The following SLC35F4 variants were observed in gnomAD, a reference collection of about 807,000 sequenced individuals.
SLC35F4 encodes chromosome 14 open reading frame 36.
Under a neutral mutation model 44.2 loss-of-function variants are expected in SLC35F4, and 24 were observed. The observed-to-expected ratio is 0.54, with a 90% CI of 0.39 to 0.76. SLC35F4 has a LOEUF of 0.76. SLC35F4 is among the 30% of genes least tolerant of loss of function. The pLI is 0.00. For synonymous variants in SLC35F4, 238 were observed against 223.6 expected, an observed-to-expected ratio of 1.06 and a Z score of -0.57; for missense variants, 562 against 586.1, an observed-to-expected ratio of 0.96 and a Z score of 0.42.
rs1888109516 is a variant in SLC35F4 at position 57,865,732 on chromosome 14, T to C, written c.94A>G (p.Ser32Gly). ...CCGCGCGGCGTCTTACTTTTCTGGC[T>C]GGAGTAACCTGGATAATAGCCATAG... ...GYYGYYPGYS[S>G]QKSTSRSSVT... The change falls in exon 1 of 8, where the codon AGC becomes GGC. Residue 32 changes from serine (S) to glycine (G), a missense_variant. Ser to Gly is a moderately conservative substitution (Grantham distance 56). Transcript: ENST00000556826. 12 of 1,520,408 alleles carry C rather than the reference T, an allele frequency of 7.9e-6. No individual in the cohort carries two copies. The highest frequency in any genetic ancestry group is 1.1e-5 in the Non-Finnish European group (12 of 1,140,366). 94.2% of individuals were successfully genotyped at this position (1,520,408 alleles called of 1,614,324 possible).
chr14:57,708,302 C>T (rs910892991), intron 1 of SLC35F4, among the ~76,000 whole-genome samples: 1 of 152,152 alleles, frequency 6.6e-6, no homozygotes, highest in African/African-American at 2.4e-5. Flanking sequence ...ATCAGCACTC[C>T]CTACTTCCCA....
chr14:57,813,027 G>A (rs184519115), intron 1 of SLC35F4, among the ~76,000 whole-genome samples: 49 of 152,298 alleles, frequency 3.2e-4, no homozygotes, highest in Non-Finnish European at 5.1e-4. Context: ...CAGAGCAATA[G>A]TATGATATGG....
At chr14:57,691,589 T>C (rs975954902) in intron 1 of SLC35F4, among the ~76,000 whole-genome samples, 3 of 152,244 alleles carry the variant, frequency 2.0e-5, no homozygotes, top group Non-Finnish European at 1.5e-5. Flanking sequence ...TCTGACCTTT[T>C]ATGTTTAATT....
At chr14:57,942,207 G>T (rs1308993915) in intron 1 of SLC35F4, among the ~76,000 whole-genome samples, 1 of 152,186 alleles carries the variant, frequency 6.6e-6, no homozygotes, top group Middle Eastern at 3.2e-3. Flanking sequence ...GAATGTTCCA[G>T]CTTAATGTTG....
At chr14:57,843,025 G>A (rs956273589) in intron 1 of SLC35F4, among the ~76,000 whole-genome samples, 7 of 152,112 alleles carry the variant, frequency 4.6e-5, no homozygotes, top group Non-Finnish European at 7.4e-5. Flanking sequence ...CTTCAGTTTT[G>A]GACTCTTGGA....
chr14:57,687,234 G>C (rs1438222444), intron 1 of SLC35F4, among the ~76,000 whole-genome samples: 2 of 152,136 alleles, frequency 1.3e-5, no homozygotes, highest in Admixed American at 6.6e-5. Context: ...ACTAAGGCAA[G>C]GTTTCACTGG....
Position 57,858,779 on chromosome 14 carries a change from A to T in SLC35F4, c.103+6944T>A, listed in dbSNP as rs148198992. ...GAGACTATGACCAGAGTGTGCGAAG[A>T]TCATATGGGATATAAGATCTAAAAG... On this transcript the variant is annotated intron_variant, in intron 1 of 7. Coordinates refer to ENST00000556826, the MANE Select transcript of SLC35F4 (RefSeq NM_001306087.2). Among the ~76,000 whole-genome samples the T allele has an allele frequency of 1.4e-3, 214 of 150,908 alleles. 3 individuals are homozygous for T. The highest frequency in any genetic ancestry group is 5.0e-3 in the African/African-American group (201 of 40,318).
rs567467568 is a variant in SLC35F4 at position 57,817,695 on chromosome 14, T to C, written c.103+48028A>G. ...GGAGGATTTATTGATGTGCTATGAT[T>C]TGAGAGCTTAATGTTCTGGCAAAGC... On this transcript the variant is annotated intron_variant, in intron 1 of 7. Coordinates refer to ENST00000556826, the MANE Select transcript of SLC35F4 (RefSeq NM_001306087.2). Among the ~76,000 whole-genome samples, 4 of 152,078 alleles carry C rather than the reference T, an allele frequency of 2.6e-5. No individual in the cohort carries two copies. In the East Asian group the frequency reaches 7.8e-4, roughly 30 times the overall value.
At chr14:57,950,597 T>C (rs544185701) in intron 1 of SLC35F4, among the ~76,000 whole-genome samples, 2 of 152,230 alleles carry the variant, frequency 1.3e-5, no homozygotes, top group Non-Finnish European at 2.9e-5. Flanking sequence ...GTTATAGGAC[T>C]CTGTTTTGTC....
chr14:57,686,681 AC>A (rs1282475349), intron 1 of SLC35F4, among the ~76,000 whole-genome samples: 1 of 152,072 alleles, frequency 6.6e-6, no homozygotes, highest in Non-Finnish European at 1.5e-5. Flanking sequence ...TCGGCACAAG[AC>A]CTTTTCTTCT....
intron 1 of SLC35F4, among the ~76,000 whole-genome samples, chr14:57,732,782 G>T (rs57045762): frequency 6.6e-6 from 1 of 152,122 alleles, no homozygotes; most frequent in African/African-American, 2.4e-5. Flanking sequence ...GAGTCATCCA[G>T]AATATCATAC....
chr14:57,689,452 A>C (rs2075163046), intron 1 of SLC35F4, among the ~76,000 whole-genome samples: 1 of 152,160 alleles, frequency 6.6e-6, no homozygotes, highest in South Asian at 2.1e-4. Context: ...CAGCTATTCA[A>C]ATAGCAACAA....
intron 1 of SLC35F4, among the ~76,000 whole-genome samples, chr14:57,854,657 G>A (rs1464137517): frequency 6.6e-6 from 1 of 152,110 alleles, no homozygotes; most frequent in Non-Finnish European, 1.5e-5. Context: ...CTATTTTGGT[G>A]CCTGAGTACC....
At chr14:57,577,963 T>C (rs1365492990) in intron 4 of SLC35F4, among the ~76,000 whole-genome samples, 1 of 152,178 alleles carries the variant, frequency 6.6e-6, no homozygotes, top group Non-Finnish European at 1.5e-5. Context: ...GTAAAACAGA[T>C]TACCTTTCCA....
intron 1 of SLC35F4, among the ~76,000 whole-genome samples, chr14:57,954,528 C>T (rs1594650494): frequency 6.6e-6 from 1 of 151,776 alleles, no homozygotes; most frequent in Non-Finnish European, 1.5e-5. Flanking sequence ...GACCGCCAGC[C>T]AGACTAATAA....
chr14:57,867,000 A>AATAATAATAATAATT (rs1491561956), upstream of SLC35F4, among the ~76,000 whole-genome samples: 1 of 143,166 alleles, frequency 7.0e-6, no homozygotes, highest in Non-Finnish European at 1.5e-5. Context: ...TAATAATAAT[A>AATAATAATAATAATT]ATTTTCAAAG....
At chr14:57,661,380 T>C (rs1331294038) in intron 1 of SLC35F4, among the ~76,000 whole-genome samples, 1 of 152,208 alleles carries the variant, frequency 6.6e-6, no homozygotes, top group East Asian at 1.9e-4. Context: ...TGACGGATCA[T>C]GCTCTCAAGC....
In SLC35F4 at chr14:57,592,081, T is replaced by C. The variant is rs115869135; in HGVS notation, c.289+1858A>G. ...CAGAACTCTTTTATTTTCTGACCAC[T>C]TTTAACATGATTTTCTATAGTCCTG... On this transcript the variant is annotated intron_variant, in intron 2 of 7. Coordinates refer to ENST00000556826, the MANE Select transcript of SLC35F4 (RefSeq NM_001306087.2). Among the ~76,000 whole-genome samples, 405 of 152,338 alleles carry C rather than the reference T, an allele frequency of 2.7e-3. 1 individual carries two copies. The highest frequency in any genetic ancestry group is 9.4e-3 in the African/African-American group (389 of 41,584).
chr14:57,838,954 A>T (rs1158474136), intron 1 of SLC35F4, among the ~76,000 whole-genome samples: 1 of 152,208 alleles, frequency 6.6e-6, no homozygotes, highest in Non-Finnish European at 1.5e-5. Context: ...ATGTACATAC[A>T]CAAAAAAACA....
Sources: gnomAD v4.1 joint callset for allele counts (sites outside exome capture counted in the v4.1 genomes callset) on GRCh38, gnomAD v4.1.1 for gene constraint, MANE v1.5 for transcripts, NCBI Gene and HGNC (gene_info 2026-07-23, HGNC 2026-07-21) for gene names.